CSMD1: variants seen among roughly 807,000 people sequenced by gnomAD.
CSMD1 encodes CUB and sushi domain-containing protein 1.
A neutral mutation model predicts 417.5 loss-of-function variants in CSMD1; 213 were observed. That is an observed-to-expected ratio of 0.51 (90% CI 0.46 to 0.57). The LOEUF (loss-of-function observed/expected upper bound fraction) is 0.57, where lower values mean the gene tolerates loss of function less well. Ranked by LOEUF, CSMD1 falls within the 20% of genes least tolerant of loss-of-function variation. The pLI, the probability that CSMD1 is intolerant of heterozygous loss-of-function variation, is 0.00. For synonymous variants in CSMD1, 2,862 were observed against 1,736.8 expected (o/e 1.65, Z -16.11); for missense variants, 6,923 against 4,529.7 (o/e 1.53, Z -15.17).
At chr8:3,241,460 T>C (rs551771494) in intron 26 of CSMD1, among the ~76,000 whole-genome samples, 2 of 152,224 alleles carry the variant, frequency 1.3e-5, no homozygotes, top group Admixed American at 6.5e-5. Flanking sequence ...GCTTCCGAGG[T>C]GATCTGGCAG....
chr8:3,308,618 G>T (rs907601819), intron 23 of CSMD1, 115 bp from the exon 24 acceptor site: 3 of 745,590 alleles, frequency 4.0e-6, no homozygotes, highest in Non-Finnish European at 6.5e-6. Context: ...GAGAAAAAAG[G>T]AGATTGTGAA....
In CSMD1 at chr8:3,097,043, G is replaced by T. The variant is rs1259765876; in HGVS notation, c.6950-6C>A. Reference sequence around the variant, plus strand: ...TTCATTTGCTGGGCATTGTGCTGGAGAGAAAAGTACCAGCAAAAGTTTGCT... The same window carrying T: ...TTCATTTGCTGGGCATTGTGCTGGATAGAAAAGTACCAGCAAAAGTTTGCT... On this transcript the variant is annotated splice_polypyrimidine_tract_variant and splice_region_variant and intron_variant, in intron 46 of 69. Coordinates refer to ENST00000635120, the MANE Select transcript of CSMD1 (RefSeq NM_033225.6). 6.6e-7 allele frequency: 1 copy of T among 1,520,782 alleles called. No homozygotes were observed. Among genetic ancestry groups the T allele is most frequent in the East Asian group, 2.5e-5 (1 of 40,532 alleles). 94.2% of individuals were successfully genotyped at this position (1,520,782 alleles called of 1,614,324 possible).
At chr8:4,323,339 G>T (rs1002492596) in intron 3 of CSMD1, among the ~76,000 whole-genome samples, 2 of 152,130 alleles carry the variant, frequency 1.3e-5, no homozygotes, top group Non-Finnish European at 2.9e-5. Context: ...TAAAATTCAT[G>T]AAAAGTGAGA....
intron 26 of CSMD1, among the ~76,000 whole-genome samples, chr8:3,245,671 A>T (rs1038099521): frequency 6.6e-6 from 1 of 152,186 alleles, no homozygotes; most frequent in Non-Finnish European, 1.5e-5. Flanking sequence ...GCCTCCTTTC[A>T]TAAGGATGTA....
At chr8:4,532,895 C>G (rs943126016) in intron 2 of CSMD1, among the ~76,000 whole-genome samples, 2 of 151,902 alleles carry the variant, frequency 1.3e-5, no homozygotes, top group South Asian at 4.2e-4. Context: ...CCTGCACCCC[C>G]ATTCAGAGTC....
At chr8:3,260,643 G>C (rs1800994180) in intron 26 of CSMD1, among the ~76,000 whole-genome samples, 1 of 151,010 alleles carries the variant, frequency 6.6e-6, no homozygotes, top group African/African-American at 2.4e-5. Context: ...AAACATTTTT[G>C]ACAATCCCTT....
At chr8:4,707,524 A>T (rs1466820099) in intron 1 of CSMD1, among the ~76,000 whole-genome samples, 1 of 152,160 alleles carries the variant, frequency 6.6e-6, no homozygotes, top group Non-Finnish European at 1.5e-5. Flanking sequence ...GTGAACAGTT[A>T]AATGGAGAGG....
chr8:3,751,809 G>C (rs1262323363), intron 6 of CSMD1, among the ~76,000 whole-genome samples: 1 of 152,068 alleles, frequency 6.6e-6, no homozygotes, highest in African/African-American at 2.4e-5. Flanking sequence ...TCAGGTTTGA[G>C]AAACAAACGC....
chr8:4,038,610 T>A (rs1414478716), intron 3 of CSMD1, among the ~76,000 whole-genome samples: 1 of 152,248 alleles, frequency 6.6e-6, no homozygotes, highest in Non-Finnish European at 1.5e-5. Context: ...ATGAAGAATT[T>A]AGTAAATACC....
At chr8:3,446,776 C>T (rs1376671981) in intron 12 of CSMD1, among the ~76,000 whole-genome samples, 1 of 152,148 alleles carries the variant, frequency 6.6e-6, no homozygotes, top group Non-Finnish European at 1.5e-5. Flanking sequence ...ATCCTGACGT[C>T]GATGAAATGG....
chr8:4,475,611 T>C (rs995736267), intron 2 of CSMD1, among the ~76,000 whole-genome samples: 4 of 152,064 alleles, frequency 2.6e-5, no homozygotes, highest in East Asian at 1.9e-4. Flanking sequence ...TTTTTTCTTT[T>C]TCTTTTTCTT....
intron 52 of CSMD1, among the ~76,000 whole-genome samples, chr8:3,005,986 C>A (rs1807858731): frequency 6.6e-6 from 1 of 152,132 alleles, no homozygotes; most frequent in African/African-American, 2.4e-5. Flanking sequence ...CAAATTGCCC[C>A]TGTTGGCAGA....
intron 10 of CSMD1, among the ~76,000 whole-genome samples, chr8:3,564,349 G>A (rs1460942632): frequency 6.6e-6 from 1 of 151,918 alleles, no homozygotes; most frequent in Non-Finnish European, 1.5e-5. Flanking sequence ...CGTCCTCAGT[G>A]TCCATAAATA....
intron 4 of CSMD1, among the ~76,000 whole-genome samples, chr8:4,014,316 A>C (rs187861206): frequency 6.6e-6 from 1 of 152,322 alleles, no homozygotes. Flanking sequence ...CATGGGAAAC[A>C]TTCATCACAT....
At chr8:3,246,533 T>G (rs1010500907) in intron 26 of CSMD1, among the ~76,000 whole-genome samples, 1 of 152,132 alleles carries the variant, frequency 6.6e-6, no homozygotes, top group Non-Finnish European at 1.5e-5. Flanking sequence ...GTGCAGTGAC[T>G]CAGTCTGGGC....
chr8:3,472,887 G>T (rs1817185753), intron 11 of CSMD1, among the ~76,000 whole-genome samples: 1 of 151,524 alleles, frequency 6.6e-6, no homozygotes, highest in African/African-American at 2.4e-5. Context: ...AGTAACTGTT[G>T]GGGGAGTTTA....
intron 1 of CSMD1, among the ~76,000 whole-genome samples, chr8:4,650,561 G>A (rs931126980): frequency 6.6e-6 from 1 of 151,618 alleles, no homozygotes; most frequent in Non-Finnish European, 1.5e-5. Flanking sequence ...CAGAAACAAC[G>A]CATGACATTG....
chr8:4,446,155 A>G (rs1267352828), intron 2 of CSMD1, among the ~76,000 whole-genome samples: 1 of 152,136 alleles, frequency 6.6e-6, no homozygotes, highest in African/African-American at 2.4e-5. Flanking sequence ...TTGAACTGAA[A>G]CCCATACTTC....
intron 3 of CSMD1, among the ~76,000 whole-genome samples, chr8:4,347,667 G>A (rs546220128): frequency 1.3e-5 from 2 of 152,258 alleles, no homozygotes; most frequent in East Asian, 1.9e-4. Context: ...ACATCAGTAT[G>A]CAATTGCAAT....
Sources: allele counts gnomAD v4.1 joint callset (sites outside exome capture counted in the v4.1 genomes callset), GRCh38; gene constraint gnomAD v4.1.1; transcripts MANE v1.5; gene names NCBI Gene and HGNC (gene_info 2026-07-23, HGNC 2026-07-21).